ZNF423: variants seen among roughly 807,000 people sequenced by gnomAD.
The protein encoded by ZNF423 is zinc finger protein 423.
In ZNF423, 12 loss-of-function variants were observed where a neutral mutation model predicts 95.8. The observed-to-expected ratio is 0.13, with a 90% CI of 0.08 to 0.20. The LOEUF (loss-of-function observed/expected upper bound fraction) is 0.20. Ranked by LOEUF, ZNF423 falls within the 10% of genes least tolerant of loss-of-function variation. ZNF423 has a pLI of 1.00. For missense variants in ZNF423, 1,316 were observed against 1,737.1 expected, an observed-to-expected ratio of 0.76 and a Z score of 4.31; for synonymous variants, 749 against 711.9, an observed-to-expected ratio of 1.05 and a Z score of -0.83.
intron 5 of ZNF423, among the ~76,000 whole-genome samples, chr16:49,599,151 C>T (rs188077307): frequency 3.2e-4 from 49 of 152,260 alleles, no homozygotes; most frequent in African/African-American, 1.2e-3. Flanking sequence ...TTTGAAATCG[C>T]TTACAGGTTG....
At chr16:49,663,598 G>A (rs978128564) in intron 3 of ZNF423, among the ~76,000 whole-genome samples, 1 of 152,238 alleles carries the variant, frequency 6.6e-6, no homozygotes, top group African/African-American at 2.4e-5. Flanking sequence ...AGTGGTGCAG[G>A]AAGTGGGACA....
At chr16:49,555,600 A>G (rs1004657105) in intron 5 of ZNF423, among the ~76,000 whole-genome samples, 7 of 152,240 alleles carry the variant, frequency 4.6e-5, no homozygotes, top group African/African-American at 1.7e-4. Context: ...TGATCCATAC[A>G]CTATAATGTC....
intron 1 of ZNF423, among the ~76,000 whole-genome samples, chr16:49,839,424 C>T (rs2035159340): frequency 6.6e-6 from 1 of 152,136 alleles, no homozygotes; most frequent in African/African-American, 2.4e-5. Context: ...GGAACGTGGT[C>T]CAGTGCCAGG....
chr16:49,755,743 T>C (rs1463078852), intron 2 of ZNF423, among the ~76,000 whole-genome samples: 1 of 152,196 alleles, frequency 6.6e-6, no homozygotes, highest in African/African-American at 2.4e-5. Context: ...TAATTAGCCA[T>C]TCTTAGAGTG....
At chr16:49,623,955 C>A (rs1441108744) in intron 5 of ZNF423, among the ~76,000 whole-genome samples, 1 of 152,214 alleles carries the variant, frequency 6.6e-6, no homozygotes, top group African/African-American at 2.4e-5. Context: ...AAACCTTAAA[C>A]AAAACCTTGA....
chr16:49,638,495 G>A lies in ZNF423; in HGVS notation c.681C>T (p.Ser227=), dbSNP rs1263641403. 3 of 1,613,862 alleles carry A rather than the reference G, an allele frequency of 1.9e-6. No homozygotes were observed. Among genetic ancestry groups the A allele is most frequent in the Non-Finnish European group, 2.5e-6 (3 of 1,180,040 alleles). The change falls in exon 4 of 8, where the codon AGC becomes AGT. Residue 227 remains serine (S), a synonymous_variant. Transcript: ENST00000563137. This position sits in a 1 kb window ranked among gnomAD's most constrained non-coding sequence, Gnocchi z 5.6. ...TGCACACAGTGCACTTGAAGGGCTTGCTGGAGCTGTGGGTCTTCAGGTGGA... is the reference window on the plus strand; with the variant it reads ...TGCACACAGTGCACTTGAAGGGCTTACTGGAGCTGTGGGTCTTCAGGTGGA... The part of the protein sequence containing the change: ...LKIHLKTHSS[S]KPFKCTVCKR...
At chr16:49,856,788 G>A (rs1443292647), upstream of ZNF423, among the ~76,000 whole-genome samples, 2 of 147,972 alleles carry the variant, frequency 1.4e-5, no homozygotes, top group Non-Finnish European at 3.0e-5. Flanking sequence ...GGGCTGCGGT[G>A]CTCAGCGCGA....
chr16:49,557,404 G>T (rs942963855), intron 5 of ZNF423, among the ~76,000 whole-genome samples: 7 of 152,216 alleles, frequency 4.6e-5, no homozygotes, highest in African/African-American at 1.7e-4. Context: ...GAGGGCTGCA[G>T]CCTGGGTGGA....
intron 7 of ZNF423, among the ~76,000 whole-genome samples, 188 bp from the exon 8 acceptor site, chr16:49,491,492 G>C (rs1596988696): frequency 6.6e-6 from 1 of 151,184 alleles, no homozygotes; most frequent in South Asian, 2.1e-4. Context: ...GGGGCTTGGG[G>C]ATAGGTTCCT....
At position 49,530,819 on chromosome 16, in the gene ZNF423, G is replaced by A. The variant is rs186832942; in HGVS notation, c.3602-5325C>T. Among the ~76,000 whole-genome samples, 8 of 152,302 alleles carry A rather than the reference G, an allele frequency of 5.3e-5. No individual in the cohort carries two copies. In the East Asian group the frequency reaches 1.5e-3, roughly 30 times the overall value. ...GAGGCAGGGCCCCTAACAGGGATGTGGCAGGGCAGAGCAGGGCAGAGCGGG... is the reference window on the plus strand; with the variant it reads ...GAGGCAGGGCCCCTAACAGGGATGTAGCAGGGCAGAGCAGGGCAGAGCGGG... On this transcript the variant is annotated intron_variant, in intron 5 of 7. Transcript: ENST00000563137.
At chr16:49,760,487 C>T (rs555075318) in intron 2 of ZNF423, among the ~76,000 whole-genome samples, 13 of 152,212 alleles carry the variant, frequency 8.5e-5, no homozygotes, top group Middle Eastern at 6.8e-3. Context: ...AGTCAGGGTT[C>T]GGCACACAGT....
At position 49,550,291 on chromosome 16, in the gene ZNF423, G is replaced by A. The variant is rs146124483; in HGVS notation, c.3602-24797C>T. ...ACGTGAGAGCTTACTCAGGAGGATG[G>A]ATTCTGACATTACCCTTCCCTTTTC... is the stretch of plus-strand genomic sequence containing the variant. On this transcript the variant is annotated intron_variant, in intron 5 of 7. Transcript: ENST00000563137. Among the ~76,000 whole-genome samples the A allele has an allele frequency of 2.3e-3, 350 of 152,344 alleles. 2 individuals are homozygous for A. Among genetic ancestry groups the A allele is most frequent in the Non-Finnish European group, 2.5e-3 (168 of 68,036 alleles).
intron 1 of ZNF423, chr16:49,854,622 C>G: frequency 1.0e-6 from 1 of 985,370 alleles, no homozygotes. Context: ...ATCTCACAGC[C>G]GAGCGCCCGG....
At chr16:49,759,124 T>C (rs549247618) in intron 2 of ZNF423, among the ~76,000 whole-genome samples, 1 of 152,116 alleles carries the variant, frequency 6.6e-6, no homozygotes, top group South Asian at 2.1e-4. Context: ...CTGGGCATGG[T>C]GGCTGTGGCT....
At chr16:49,763,823 A>G (rs1421477588) in intron 2 of ZNF423, among the ~76,000 whole-genome samples, 1 of 152,104 alleles carries the variant, frequency 6.6e-6, no homozygotes, top group Non-Finnish European at 1.5e-5. Flanking sequence ...GTCACCATGA[A>G]CAAACAGAAG....
At chr16:49,824,341 A>C (rs558545083) in intron 1 of ZNF423, among the ~76,000 whole-genome samples, 1 of 152,156 alleles carries the variant, frequency 6.6e-6, no homozygotes, top group Non-Finnish European at 1.5e-5. Context: ...CACAGAGAGT[A>C]AGGTACAGGC....
chr16:49,703,947 T>A (rs954662155), intron 3 of ZNF423, among the ~76,000 whole-genome samples: 2 of 152,162 alleles, frequency 1.3e-5, no homozygotes, highest in Non-Finnish European at 2.9e-5. Context: ...AAGCAACTGA[T>A]GAGTGATGCG....
intron 3 of ZNF423, among the ~76,000 whole-genome samples, chr16:49,698,573 G>C (rs1323781793): frequency 1.3e-5 from 2 of 152,260 alleles, no homozygotes; most frequent in Admixed American, 1.3e-4. Context: ...CTCCCAGTCA[G>C]TCTGGCCCGC....
intron 4 of ZNF423, among the ~76,000 whole-genome samples, chr16:49,632,413 C>T (rs1277862163): frequency 6.6e-6 from 1 of 152,126 alleles, no homozygotes; most frequent in African/African-American, 2.4e-5. Context: ...CCAGGTGTGC[C>T]CACACAGGGG....
Sources: allele counts gnomAD v4.1 joint callset (sites outside exome capture counted in the v4.1 genomes callset), GRCh38; gene constraint gnomAD v4.1.1; non-coding constraint Gnocchi (gnomAD v3.1); transcripts MANE v1.5; gene names NCBI Gene and HGNC (gene_info 2026-07-23, HGNC 2026-07-21).